GSG1L: variants seen among roughly 807,000 people sequenced by gnomAD.
The protein encoded by GSG1L is germ cell-specific gene 1-like protein.
In GSG1L, 24 loss-of-function variants were observed where a neutral mutation model predicts 42.1. The ratio of observed to expected loss-of-function variants is 0.57; its 90% CI spans 0.41 to 0.80. GSG1L has a LOEUF of 0.80. Among genes scored for constraint, GSG1L ranks in the 30% least tolerant of loss-of-function variants. GSG1L has a pLI of 0.00. For missense variants in GSG1L, 445 were observed against 472.2 expected (o/e 0.94, Z 0.53); for synonymous variants, 215 against 203.5 (o/e 1.06, Z -0.48).
chr16:27,993,176 T>C (rs979486459), intron 1 of GSG1L, among the ~76,000 whole-genome samples: 7 of 152,022 alleles, frequency 4.6e-5, no homozygotes, highest in African/African-American at 1.7e-4. Flanking sequence ...TGAGACAGAG[T>C]CTTGCTCTGT....
intron 5 of GSG1L, among the ~76,000 whole-genome samples, chr16:27,817,707 AAAATG>A (rs1269564028): frequency 6.6e-6 from 1 of 152,248 alleles, no homozygotes; most frequent in Non-Finnish European, 1.5e-5. Flanking sequence ...ATAAAAAATG[AAAATG>A]AAATGAAAAA....
At chr16:28,004,954 A>G (rs1249741590) in intron 1 of GSG1L, among the ~76,000 whole-genome samples, 1 of 152,130 alleles carries the variant, frequency 6.6e-6, no homozygotes, top group African/African-American at 2.4e-5. Flanking sequence ...GACAAGTTAC[A>G]CTTATTAGTC....
chr16:27,985,798 A>C (rs1473535689), intron 1 of GSG1L, among the ~76,000 whole-genome samples: 4 of 152,084 alleles, frequency 2.6e-5, no homozygotes, highest in Non-Finnish European at 5.9e-5. Flanking sequence ...GCACCATTGC[A>C]CTCCAGCCTG....
At chr16:27,831,400 T>A (rs1470619318) in intron 4 of GSG1L, among the ~76,000 whole-genome samples, 1 of 152,240 alleles carries the variant, frequency 6.6e-6, no homozygotes, top group African/African-American at 2.4e-5. Context: ...GAACCAAAGT[T>A]ATTATATGTT....
chr16:27,914,351 C>G (rs1021293220), intron 2 of GSG1L, among the ~76,000 whole-genome samples: 2 of 151,976 alleles, frequency 1.3e-5, no homozygotes, highest in African/African-American at 4.8e-5. Flanking sequence ...AGTGGAGTAC[C>G]AAGTTCATAT....
chr16:27,957,175 C>T (rs2085015464), intron 2 of GSG1L, among the ~76,000 whole-genome samples: 1 of 152,072 alleles, frequency 6.6e-6, no homozygotes, highest in Admixed American at 6.6e-5. Flanking sequence ...ATGACAAAAC[C>T]CAGTCTCTAC....
At chr16:27,961,163 G>A (rs1425195035) in intron 2 of GSG1L, among the ~76,000 whole-genome samples, 4 of 152,168 alleles carry the variant, frequency 2.6e-5, no homozygotes, top group Non-Finnish European at 4.4e-5. Context: ...ATGTGTACAC[G>A]CCTCCATGCC....
chr16:28,050,604 G>T (rs544773461), intron 1 of GSG1L, among the ~76,000 whole-genome samples: 9 of 152,368 alleles, frequency 5.9e-5, no homozygotes, highest in African/African-American at 2.2e-4. Context: ...CAGCAGGTAA[G>T]GGTTTGGTGC....
chr16:27,955,438 A>G (rs1422012738), intron 2 of GSG1L, among the ~76,000 whole-genome samples: 1 of 152,180 alleles, frequency 6.6e-6, no homozygotes, highest in Non-Finnish European at 1.5e-5. Flanking sequence ...GAGAACAGAA[A>G]ATAAGATATT....
At chr16:28,041,939 C>T (rs1391781473) in intron 1 of GSG1L, among the ~76,000 whole-genome samples, 1 of 152,222 alleles carries the variant, frequency 6.6e-6, no homozygotes, top group Non-Finnish European at 1.5e-5. Flanking sequence ...TCCATCCACT[C>T]AACATCTTGA....
chr16:27,920,229 C>T (rs1028567576), intron 2 of GSG1L, among the ~76,000 whole-genome samples: 4 of 119,032 alleles, frequency 3.4e-5, no homozygotes, highest in African/African-American at 7.5e-5. Context: ...CTGGTGTGGG[C>T]GAAGGTGGTG....
chr16:27,982,643 G>A (rs879421229), intron 1 of GSG1L, among the ~76,000 whole-genome samples: 1 of 152,134 alleles, frequency 6.6e-6, no homozygotes, highest in East Asian at 1.9e-4. Flanking sequence ...TATTTGGCTC[G>A]TGGCTCTGCA....
At chr16:27,990,221 A>C (rs182217859) in intron 1 of GSG1L, among the ~76,000 whole-genome samples, 2 of 152,246 alleles carry the variant, frequency 1.3e-5, no homozygotes, top group Non-Finnish European at 2.9e-5. Flanking sequence ...GAGTCAAAGA[A>C]ATTTTTTTCT....
At chr16:27,846,476 C>G (rs914582248) in intron 3 of GSG1L, among the ~76,000 whole-genome samples, 1 of 152,130 alleles carries the variant, frequency 6.6e-6, no homozygotes, top group Non-Finnish European at 1.5e-5. Context: ...GTGGACTTAG[C>G]CTGTTGGCAA....
rs2085444705 is a variant in GSG1L, at chr16:27,990,601, A to AT, written c.350-27399_350-27398insA. On this transcript the variant is annotated intron_variant, in intron 1 of 6. Transcript: ENST00000447459. The stretch of plus-strand genomic sequence containing the variant: ...CCTGACCTGTGATAAATAAAGAATG[A>AT]CACTTTCTAGCAGGTCCAGGAACCT... Among the ~76,000 whole-genome samples, 7 of 152,318 alleles carry AT rather than the reference A, an allele frequency of 4.6e-5. No individual in the cohort carries two copies. In the Middle Eastern group the frequency reaches 0.017, roughly 370 times the overall value.
At chr16:27,815,759 TA>T (rs1487035305) in intron 5 of GSG1L, among the ~76,000 whole-genome samples, 1 of 152,066 alleles carries the variant, frequency 6.6e-6, no homozygotes, top group Non-Finnish European at 1.5e-5. Flanking sequence ...TTAAACTAAT[TA>T]ACAATGCACA....
chr16:27,839,019 G>A (rs1018312327), intron 4 of GSG1L, among the ~76,000 whole-genome samples: 7 of 152,194 alleles, frequency 4.6e-5, no homozygotes, highest in East Asian at 1.9e-4. Flanking sequence ...GCTCTGGTAG[G>A]GTCACAGCAG....
intron 2 of GSG1L, among the ~76,000 whole-genome samples, chr16:27,924,954 C>T (rs2084574915): frequency 6.6e-6 from 1 of 152,148 alleles, no homozygotes; most frequent in African/African-American, 2.4e-5. Flanking sequence ...GGATCACACG[C>T]CTACTTCTAA....
intron 1 of GSG1L, among the ~76,000 whole-genome samples, chr16:27,984,536 A>G (rs538007056): frequency 2.4e-4 from 36 of 152,282 alleles, no homozygotes; most frequent in African/African-American, 7.9e-4. Context: ...TGGCTTGAGG[A>G]GGAATTATAA....
Sources: gnomAD v4.1 joint callset for allele counts (sites outside exome capture counted in the v4.1 genomes callset) on GRCh38, gnomAD v4.1.1 for gene constraint, MANE v1.5 for transcripts, NCBI Gene and HGNC (gene_info 2026-07-23, HGNC 2026-07-21) for gene names.